ECT2L: variants seen among roughly 807,000 people sequenced by gnomAD.
The protein encoded by ECT2L is epithelial cell-transforming sequence 2 oncogene-like.
Under a neutral mutation model 122.8 loss-of-function variants are expected in ECT2L, and 126 were observed. The observed-to-expected ratio is 1.03, with a 90% confidence interval of 0.89 to 1.19. The LOEUF is 1.19. Ranked by LOEUF, ECT2L falls within the 50% of genes most tolerant of loss-of-function variation. The pLI is 0.00. For missense variants in ECT2L, 1,012 were observed against 1,064.1 expected (o/e 0.95, Z 0.68); for synonymous variants, 385 against 381.8 (o/e 1.01, Z -0.10).
At position 138,796,706 on chromosome 6, in the gene ECT2L, G is replaced by A. The variant is rs533876757; in HGVS notation, c.-244+514G>A. Reference sequence around the variant, plus strand: ...GAGTTAATATGCTAAGATTTGATGAGCAGGACAAATAAAACAGTGGTACTT... The same window carrying A: ...GAGTTAATATGCTAAGATTTGATGAACAGGACAAATAAAACAGTGGTACTT... On this transcript the variant is annotated intron_variant, in intron 1 of 21. Transcript: ENST00000541398. 6.6e-5 allele frequency among the ~76,000 whole-genome samples: 10 copies of A among 152,298 alleles called. No individual in the cohort carries two copies. The South Asian group carries it at 1.2e-3, about 19-fold the overall frequency.
intron 4 of ECT2L, among the ~76,000 whole-genome samples, chr6:138,821,863 G>T (rs1332418241): frequency 6.6e-6 from 1 of 152,238 alleles, no homozygotes; most frequent in African/African-American, 2.4e-5. Context: ...CCCCTTGATG[G>T]GGAGGCCGAA....
chr6:138,900,480 T>A (rs974177079), intron 20 of ECT2L, among the ~76,000 whole-genome samples: 1 of 152,176 alleles, frequency 6.6e-6, no homozygotes, highest in Non-Finnish European at 1.5e-5. Flanking sequence ...ACTCCTGACC[T>A]CATAATCAGC....
intron 14 of ECT2L, chr6:138,879,420 A>G (rs1039462218): frequency 6.6e-6 from 1 of 152,160 alleles, no homozygotes; most frequent in Non-Finnish European, 1.5e-5. Flanking sequence ...TTAGGGCTGG[A>G]GGGAAAATAA....
At chr6:138,858,037 T>C (rs1009692404) in intron 10 of ECT2L, among the ~76,000 whole-genome samples, 1 of 152,138 alleles carries the variant, frequency 6.6e-6, no homozygotes, top group African/African-American at 2.4e-5. Flanking sequence ...GAGAAGAGGA[T>C]GGGGGAGATT....
chr6:138,876,087 C>A (rs916667501), intron 13 of ECT2L, among the ~76,000 whole-genome samples: 8 of 151,638 alleles, frequency 5.3e-5, no homozygotes, highest in Non-Finnish European at 8.8e-5. Context: ...CCATTGCACT[C>A]CAGCCTGGGC....
rs894085829 is a variant in ECT2L at position 138,902,692 on chromosome 6, T to C, written c.*65T>C. On this transcript the variant is annotated 3_prime_UTR_variant, in exon 22 of 22. Transcript: ENST00000541398. Reference sequence around the variant, plus strand: ...GCAAAGACAGACAACATGTATTTTCTGTTCCAAAATATCCAGTAAGAAACA... The same window carrying C: ...GCAAAGACAGACAACATGTATTTTCCGTTCCAAAATATCCAGTAAGAAACA... 19 of 1,576,062 alleles carry C rather than the reference T, an allele frequency of 1.2e-5. No individual in the cohort carries two copies. The highest frequency in any genetic ancestry group is 1.6e-5 in the Non-Finnish European group (18 of 1,152,608).
intron 1 of ECT2L, among the ~76,000 whole-genome samples, chr6:138,798,140 G>A (rs72985073): frequency 0.028 from 4,282 of 152,262 alleles, 100 homozygotes; most frequent in Non-Finnish European, 0.041. Context: ...CCCTCCACAT[G>A]TTCAGCTATC....
chr6:138,809,901 G>C (rs1239315275), intron 1 of ECT2L, among the ~76,000 whole-genome samples: 1 of 152,124 alleles, frequency 6.6e-6, no homozygotes, highest in African/African-American at 2.4e-5. Context: ...TATATTATGT[G>C]GCATTACCAT....
intron 4 of ECT2L, among the ~76,000 whole-genome samples, chr6:138,829,207 C>T (rs1051003107): frequency 6.6e-6 from 1 of 152,112 alleles, no homozygotes; most frequent in Non-Finnish European, 1.5e-5. Context: ...CTTCTGCGCT[C>T]GTCTTGTCCT....
intron 1 of ECT2L, among the ~76,000 whole-genome samples, chr6:138,797,280 C>G (rs1344500572): frequency 6.6e-6 from 1 of 152,146 alleles, no homozygotes; most frequent in Non-Finnish European, 1.5e-5. Flanking sequence ...TTCTTCTACT[C>G]CCGTTCTTTT....
intron 11 of ECT2L, 57 bp from the exon 12 acceptor site, chr6:138,864,939 T>C: frequency 1.3e-6 from 2 of 1,508,552 alleles, no homozygotes; most frequent in Non-Finnish European, 1.8e-6. Flanking sequence ...AAACAAGATG[T>C]AGAATTGTTT....
At position 138,892,516 on chromosome 6, in the gene ECT2L, G is replaced by C. The variant is rs542239748; in HGVS notation, c.2414+3485G>C. ...TACCCCTTATAATTTTTTTGAAACA[G>C]AGTGTGTCACTCTGTCACCCAGGCT... On this transcript the variant is annotated intron_variant, in intron 20 of 21. Transcript: ENST00000541398. Among the ~76,000 whole-genome samples, 33 of 152,142 alleles carry C rather than the reference G, an allele frequency of 2.2e-4. 1 individual carries two copies. Among genetic ancestry groups the C allele is most frequent in the Admixed American group, 2.2e-3 (33 of 15,266 alleles).
At chr6:138,853,734 G>A (rs562380185) in intron 9 of ECT2L, among the ~76,000 whole-genome samples, 6 of 152,208 alleles carry the variant, frequency 3.9e-5, no homozygotes, top group Admixed American at 2.6e-4. Flanking sequence ...CTTGCTGACC[G>A]TCCCCCTAAA....
At chr6:138,880,903 C>A in intron 14 of ECT2L, 54 bp from the exon 15 acceptor site, 1 of 1,518,880 alleles carries the variant, frequency 6.6e-7, no homozygotes, top group Non-Finnish European at 9.1e-7. Context: ...TGCCTGACTG[C>A]TCAGCACTTC....
At chr6:138,887,670 T>G (rs954195706) in intron 19 of ECT2L, among the ~76,000 whole-genome samples, 4 of 152,210 alleles carry the variant, frequency 2.6e-5, no homozygotes, top group Admixed American at 2.6e-4. Context: ...CCTTATCTCT[T>G]ACAGTTTTCC....
In ECT2L at chr6:138,864,150, G is replaced by A. The variant is rs376388991; in HGVS notation, c.1292-846G>A. Among the ~76,000 whole-genome samples, 27 of 150,748 alleles carry A rather than the reference G, an allele frequency of 1.8e-4. 2 individuals carry two copies. Among genetic ancestry groups the A allele is most frequent in the Admixed American group, 4.6e-4 (7 of 15,076 alleles). On this transcript the variant is annotated intron_variant, in intron 11 of 21. Coordinates refer to ENST00000541398, the MANE Select transcript of ECT2L (RefSeq NM_001077706.3). Reference sequence around the variant, plus strand: ...AGCCTGCCCAACATGGTGAAACCCCGTCTCTACTAAAAATACAAAAATAAG... The same window carrying A: ...AGCCTGCCCAACATGGTGAAACCCCATCTCTACTAAAAATACAAAAATAAG...
In ECT2L at chr6:138,816,238, G is replaced by A. The variant is rs1470947460; in HGVS notation, c.179+1635G>A. Among the ~76,000 whole-genome samples, 3 of 152,178 alleles carry A rather than the reference G, an allele frequency of 2.0e-5. No individual in the cohort carries two copies. The East Asian group carries it at 5.8e-4, about 29-fold the overall frequency. Reference sequence around the variant, plus strand: ...CCAGGCAATTTTAGTTGTGACCACTGGAGGTCATTAGAGATCTTATGGTAT... The same window carrying A: ...CCAGGCAATTTTAGTTGTGACCACTAGAGGTCATTAGAGATCTTATGGTAT... On this transcript the variant is annotated intron_variant, in intron 4 of 21. Coordinates refer to ENST00000541398, the MANE Select transcript of ECT2L (RefSeq NM_001077706.3).
intron 13 of ECT2L, among the ~76,000 whole-genome samples, chr6:138,872,545 C>G (rs1778294997): frequency 6.6e-6 from 1 of 152,178 alleles, no homozygotes; most frequent in South Asian, 2.1e-4. Context: ...TTTCATTATG[C>G]CAGCCACCAT....
At chr6:138,805,032 G>A (rs1055695361) in intron 1 of ECT2L, among the ~76,000 whole-genome samples, 1 of 152,074 alleles carries the variant, frequency 6.6e-6, no homozygotes, top group Admixed American at 6.5e-5. Flanking sequence ...ACCTTATCTT[G>A]ACGTCTAACA....
Sources: gnomAD v4.1 joint callset for allele counts (sites outside exome capture counted in the v4.1 genomes callset) on GRCh38, gnomAD v4.1.1 for gene constraint, MANE v1.5 for transcripts, NCBI Gene and HGNC (gene_info 2026-07-23, HGNC 2026-07-21) for gene names.